ATP6V1E1: variants seen among roughly 807,000 people sequenced by gnomAD.
The protein encoded by ATP6V1E1 is ATPase H+ transporting V1 subunit E1, also known as V-type proton ATPase subunit E 1.
In ATP6V1E1, 21 loss-of-function variants were observed where a neutral mutation model predicts 35.2. The observed-to-expected ratio is 0.60, with a 90% confidence interval of 0.42 to 0.86. The LOEUF (loss-of-function observed/expected upper bound fraction) is 0.86, where lower values mean the gene tolerates loss of function less well. Ranked by LOEUF, ATP6V1E1 falls within the 40% of genes least tolerant of loss-of-function variation. ATP6V1E1 has a pLI of 0.00. For synonymous variants in ATP6V1E1, 83 were observed against 87.8 expected (o/e 0.95, Z 0.30); for missense variants, 183 against 272.6 (o/e 0.67, Z 2.32).
At chr22:17,613,388 G>T in intron 2 of ATP6V1E1, 68 bp from the exon 3 acceptor site, 1 of 1,304,346 alleles carries the variant, frequency 7.7e-7, no homozygotes, top group South Asian at 1.2e-5. Flanking sequence ...AACAGCTGGT[G>T]ACCTGCGTTA....
At chr22:17,619,614 A>G (rs1438526413) in intron 1 of ATP6V1E1, 88 bp from the exon 2 acceptor site, 6 of 1,171,240 alleles carry the variant, frequency 5.1e-6, no homozygotes, top group East Asian at 5.2e-5. Context: ...AGGTAGGTGC[A>G]GTGGCTCACG....
In ATP6V1E1 at chr22:17,612,888, G is replaced by C; in HGVS notation, c.210-10C>G. On this transcript the variant is annotated splice_polypyrimidine_tract_variant and intron_variant, in intron 3 of 8. Transcript: ENST00000253413. ...CAAATTGGACATCTGACTGCAAAAC[G>C]GTATTGAAAAATAGCATTAGTAACA... 3 of 1,600,884 alleles carry C rather than the reference G, an allele frequency of 1.9e-6. No homozygotes were observed. In the South Asian group the frequency reaches 3.4e-5, roughly 18 times the overall value.
chr22:17,628,706 G>T lies in ATP6V1E1; in HGVS notation c.-71C>A. The T allele has an allele frequency of 1.9e-6, 3 of 1,600,126 alleles. No individual in the cohort carries two copies. The highest frequency in any genetic ancestry group is 1.7e-4 in the Middle Eastern group (1 of 6,028). On this transcript the variant is annotated 5_prime_UTR_variant, in exon 1 of 9. Coordinates refer to ENST00000253413, the MANE Select transcript of ATP6V1E1 (RefSeq NM_001696.4). Reference sequence around the variant, plus strand: ...TTTGAAAGGTGAGGTGAGAGAAATCGGCAAAGGGAACCCCTGCGCAGATCT... The same window carrying T: ...TTTGAAAGGTGAGGTGAGAGAAATCTGCAAAGGGAACCCCTGCGCAGATCT...
In ATP6V1E1 at chr22:17,600,115, C is replaced by G; in HGVS notation, c.367-20G>C. 2 of 1,604,600 alleles carry G rather than the reference C, an allele frequency of 1.2e-6. No homozygotes were observed. The highest frequency in any genetic ancestry group is 1.7e-6 in the Non-Finnish European group (2 of 1,171,558). On this transcript the variant is annotated intron_variant, in intron 5 of 8. Coordinates refer to ENST00000253413, the MANE Select transcript of ATP6V1E1 (RefSeq NM_001696.4). ...CAAACCCTGGAAGAAATAGTAGATA[C>G]AGTCAGTAGAAAATGCAAACTATAA...
chr22:17,607,751 G>A (rs1210076629), intron 4 of ATP6V1E1, among the ~76,000 whole-genome samples: 1 of 152,128 alleles, frequency 6.6e-6, no homozygotes, highest in Non-Finnish European at 1.5e-5. Flanking sequence ...AGATTACCCT[G>A]AGCTGCTGGT....
intron 4 of ATP6V1E1, among the ~76,000 whole-genome samples, chr22:17,607,171 AT>A (rs1303951198): frequency 7.0e-6 from 1 of 143,436 alleles, no homozygotes; most frequent in Non-Finnish European, 1.5e-5. Context: ...TTTTTTTTTT[AT>A]TTTTGACATG....
intron 7 of ATP6V1E1, chr22:17,597,868 C>T: frequency 3.9e-6 from 1 of 257,546 alleles, no homozygotes. Flanking sequence ...GGGAGTCTAG[C>T]TCCCTAGGCC....
intron 4 of ATP6V1E1, among the ~76,000 whole-genome samples, chr22:17,604,964 T>C (rs12172178): frequency 0.35 from 52,469 of 151,252 alleles, 9,370 homozygotes; most frequent in African/African-American, 0.41. Context: ...GCCTGTAATC[T>C]CAGCACTTTG....
chr22:17,620,463 T>C (rs1601395241), intron 1 of ATP6V1E1, among the ~76,000 whole-genome samples: 2 of 151,846 alleles, frequency 1.3e-5, no homozygotes, highest in African/African-American at 4.8e-5. Context: ...CTTCCCTTCT[T>C]TAACAATCTT....
At chr22:17,618,708 A>C (rs2057859322) in intron 2 of ATP6V1E1, among the ~76,000 whole-genome samples, 1 of 150,288 alleles carries the variant, frequency 6.7e-6, no homozygotes, top group South Asian at 2.1e-4. Flanking sequence ...AAAAAAAAGT[A>C]AATAAATAGG....
chr22:17,626,846 T>C (rs564751628), intron 1 of ATP6V1E1, among the ~76,000 whole-genome samples: 63 of 152,004 alleles, frequency 4.1e-4, no homozygotes, highest in African/African-American at 1.5e-3. Flanking sequence ...GCTTATTTTT[T>C]AAGAAAAAAT....
intron 1 of ATP6V1E1, among the ~76,000 whole-genome samples, chr22:17,627,277 G>A (rs1329371330): frequency 6.6e-6 from 1 of 151,456 alleles, no homozygotes; most frequent in Non-Finnish European, 1.5e-5. Flanking sequence ...ACAGGCGCCC[G>A]CCACCATGCC....
intron 4 of ATP6V1E1, among the ~76,000 whole-genome samples, chr22:17,605,763 T>C (rs1272911693): frequency 7.6e-6 from 1 of 131,502 alleles, no homozygotes; most frequent in Non-Finnish European, 1.6e-5. Context: ...AGTGGCACAA[T>C]CATAGCTCAA....
At chr22:17,604,395 G>T (rs1050062393) in intron 4 of ATP6V1E1, among the ~76,000 whole-genome samples, 6 of 152,118 alleles carry the variant, frequency 3.9e-5, no homozygotes, top group Admixed American at 1.3e-4. Flanking sequence ...ACTGCCCTGA[G>T]GATTCTGAAA....
chr22:17,601,937 C>T (rs1331313323), intron 4 of ATP6V1E1, among the ~76,000 whole-genome samples: 1 of 151,848 alleles, frequency 6.6e-6, no homozygotes, highest in East Asian at 1.9e-4. Context: ...CAGGGTCTTG[C>T]TCTGTTGCCC....
chr22:17,607,575 T>C (rs2057792885), intron 4 of ATP6V1E1, among the ~76,000 whole-genome samples: 1 of 149,406 alleles, frequency 6.7e-6, no homozygotes, highest in Non-Finnish European at 1.5e-5. Flanking sequence ...ATCTCTGGAA[T>C]AGGCCTGTCT....
At chr22:17,608,011 C>T (rs572975590) in intron 4 of ATP6V1E1, among the ~76,000 whole-genome samples, 4 of 152,264 alleles carry the variant, frequency 2.6e-5, no homozygotes, top group South Asian at 2.1e-4. Context: ...ATTCAGGTCT[C>T]GGTTTTTCAC....
At chr22:17,616,537 G>A (rs1194877477) in intron 2 of ATP6V1E1, among the ~76,000 whole-genome samples, 3 of 151,948 alleles carry the variant, frequency 2.0e-5, no homozygotes, top group Non-Finnish European at 4.4e-5. Flanking sequence ...AAATTAGCTG[G>A]GCGTGATGGC....
chr22:17,592,510 G>A lies in ATP6V1E1; in HGVS notation c.*164C>T, dbSNP rs1344818034. 9.6e-6 allele frequency: 7 copies of A among 732,322 alleles called. No homozygotes were observed. The African/African-American group carries it at 1.2e-4, about 13-fold the overall frequency. 45.4% of individuals were successfully genotyped at this position (732,322 alleles called of 1,614,324 possible). ...ATTACATGAAGCTTTCCACCATTGT[G>A]AACAATTAGGCAAGGCATGAGTGAC... On this transcript the variant is annotated 3_prime_UTR_variant, in exon 9 of 9. Transcript: ENST00000253413.
Sources: allele counts gnomAD v4.1 joint callset (sites outside exome capture counted in the v4.1 genomes callset), GRCh38; gene constraint gnomAD v4.1.1; transcripts MANE v1.5; gene names NCBI Gene and HGNC (gene_info 2026-07-23, HGNC 2026-07-21).